The following RNF4 variants were observed in gnomAD, a reference collection of about 807,000 sequenced individuals.
RNF4 encodes the protein E3 ubiquitin-protein ligase RNF4.
A neutral mutation model predicts 24.3 loss-of-function variants in RNF4; 7 were observed. The observed-to-expected ratio is 0.29, with a 90% CI of 0.16 to 0.54. RNF4 has a LOEUF of 0.54. Ranked by LOEUF, RNF4 falls within the 20% of genes least tolerant of loss-of-function variation. The pLI is 0.95. For missense variants in RNF4, 209 were observed against 248.5 expected, an observed-to-expected ratio of 0.84 and a Z score of 1.07; for synonymous variants, 83 against 84.3, an observed-to-expected ratio of 0.98 and a Z score of 0.09.
chr4:2,513,261 T>C (rs956106133), intron 7 of RNF4, 130 bp downstream of exon 7: 24 of 861,112 alleles, frequency 2.8e-5, no homozygotes, highest in Non-Finnish European at 4.3e-5. Context: ...GGCCGTCACT[T>C]ATTGCAGATC....
chr4:2,474,669 G>A (rs541686955), intron 1 of RNF4, among the ~76,000 whole-genome samples: 14 of 152,290 alleles, frequency 9.2e-5, no homozygotes, highest in Non-Finnish European at 1.8e-4. Flanking sequence ...AGCATTGCAC[G>A]CTACAGAGAA....
chr4:2,491,934 T>C (rs1050324455), intron 2 of RNF4, among the ~76,000 whole-genome samples: 2 of 151,050 alleles, frequency 1.3e-5, no homozygotes, highest in East Asian at 2.0e-4. Context: ...TGCGGTGGCT[T>C]ATGCCTGTAA....
intron 1 of RNF4, among the ~76,000 whole-genome samples, chr4:2,477,582 T>C (rs953985082): frequency 6.6e-6 from 1 of 151,798 alleles, no homozygotes; most frequent in East Asian, 1.9e-4. Flanking sequence ...AGACTTAATC[T>C]AAAAAAACAA....
intron 3 of RNF4, among the ~76,000 whole-genome samples, chr4:2,498,633 TG>T (rs1186122310): frequency 1.3e-5 from 2 of 152,242 alleles, no homozygotes; most frequent in African/African-American, 4.8e-5. Flanking sequence ...ATATTGTATA[TG>T]TAAGATTATC....
chr4:2,479,062 G>A (rs1254208987), intron 1 of RNF4, among the ~76,000 whole-genome samples: 1 of 152,254 alleles, frequency 6.6e-6, no homozygotes, highest in Non-Finnish European at 1.5e-5. Context: ...GAGACATGGA[G>A]TCAAAGGAGA....
At chr4:2,508,911 CTTTTTTTTTTT>C (rs66571775) in intron 4 of RNF4, among the ~76,000 whole-genome samples, 6 of 62,644 alleles carry the variant, frequency 9.6e-5, no homozygotes, top group African/African-American at 1.4e-4. Flanking sequence ...TGCCCCAGGC[CTTTTTTTTTTT>C]TTTTTTTTTT....
At chr4:2,504,837 A>G (rs1428011842) in intron 4 of RNF4, among the ~76,000 whole-genome samples, 2 of 150,984 alleles carry the variant, frequency 1.3e-5, no homozygotes, top group Non-Finnish European at 2.9e-5. Flanking sequence ...GGTTCAAGCA[A>G]TTCTCCTGCC....
chr4:2,508,574 T>G (rs915375359), intron 4 of RNF4, among the ~76,000 whole-genome samples: 1 of 152,110 alleles, frequency 6.6e-6, no homozygotes. Flanking sequence ...TTTTTGTTTG[T>G]TTGGTTTTTG....
At chr4:2,485,128 C>T (rs1394331689) in intron 1 of RNF4, among the ~76,000 whole-genome samples, 1 of 152,130 alleles carries the variant, frequency 6.6e-6, no homozygotes, top group Non-Finnish European at 1.5e-5. Context: ...GCACTGCTTC[C>T]TCTAGACAGC....
At position 2,500,156 on chromosome 4, in the gene RNF4, CAAAAAAAA is replaced by C. The variant is rs5855735; in HGVS notation, c.125-489_125-482del. Among the ~76,000 whole-genome samples the C allele has an allele frequency of 1.4e-3, 106 of 77,200 alleles. 1 individual carries two copies. The highest frequency in any genetic ancestry group is 5.0e-3 in the African/African-American group (106 of 21,396). 50.6% of individuals were successfully genotyped at this position (77,200 alleles called of 152,430 possible). ...TTGGCGACAGAGCGAGACTCTGTCT[CAAAAAAAA>C]AAAAAAAAAAAAAGAATTTGCCCTA... On this transcript the variant is annotated intron_variant, in intron 3 of 7. Coordinates refer to ENST00000314289, the MANE Select transcript of RNF4 (RefSeq NM_002938.5).
chr4:2,487,270 CTATTTTTTTAATGTGTTTTTATTTT>C (rs957270439), intron 1 of RNF4, among the ~76,000 whole-genome samples: 4 of 151,996 alleles, frequency 2.6e-5, no homozygotes, highest in Admixed American at 6.6e-5. Flanking sequence ...TCACATCTGG[CTATTTTTTTAATGTGTTTTTATTTT>C]TATTTTTTGA....
At chr4:2,474,731 A>C (rs1735015881) in intron 1 of RNF4, among the ~76,000 whole-genome samples, 1 of 152,118 alleles carries the variant, frequency 6.6e-6, no homozygotes, top group South Asian at 2.1e-4. Flanking sequence ...ATTTTAAGAA[A>C]TTGTCACAGT....
intron 2 of RNF4, among the ~76,000 whole-genome samples, chr4:2,493,087 T>C (rs916416220): frequency 6.6e-6 from 1 of 152,122 alleles, no homozygotes; most frequent in Non-Finnish European, 1.5e-5. Context: ...TCTGCAGATA[T>C]TCCTGGATTG....
intron 4 of RNF4, among the ~76,000 whole-genome samples, chr4:2,502,992 A>G (rs1305988423): frequency 6.6e-6 from 1 of 152,124 alleles, no homozygotes; most frequent in Non-Finnish European, 1.5e-5. Flanking sequence ...CTGAGACTAC[A>G]GGTGCATGCC....
intron 4 of RNF4, 67 bp downstream of exon 4, chr4:2,500,805 A>G: frequency 6.8e-7 from 1 of 1,478,756 alleles, no homozygotes; most frequent in Non-Finnish European, 9.4e-7. Flanking sequence ...CCAGCATCTG[A>G]CAGCCTTGGT....
At chr4:2,476,577 A>G (rs1354586823) in intron 1 of RNF4, among the ~76,000 whole-genome samples, 5 of 152,152 alleles carry the variant, frequency 3.3e-5, no homozygotes, top group Middle Eastern at 3.4e-3. Context: ...TATCTTTACT[A>G]GAGATGGGGT....
intron 3 of RNF4, among the ~76,000 whole-genome samples, chr4:2,497,480 T>A (rs1735773500): frequency 6.6e-6 from 1 of 152,172 alleles, no homozygotes; most frequent in Admixed American, 6.6e-5. Context: ...GGCAAACTTG[T>A]CCACAGAGCT....
intron 1 of RNF4, among the ~76,000 whole-genome samples, chr4:2,476,777 G>A (rs1382528801): frequency 2.0e-5 from 3 of 147,992 alleles, no homozygotes. Context: ...GTGGCTATTT[G>A]CAGGTGCAAT....
chr4:2,510,089 G>T (rs188282950), intron 4 of RNF4, among the ~76,000 whole-genome samples: 3 of 152,180 alleles, frequency 2.0e-5, no homozygotes, highest in Non-Finnish European at 4.4e-5. Flanking sequence ...CCTCTAAGAG[G>T]AAAGGGGAGC....
Sources: gnomAD v4.1 joint callset for allele counts (sites outside exome capture counted in the v4.1 genomes callset) on GRCh38, gnomAD v4.1.1 for gene constraint, MANE v1.5 for transcripts, NCBI Gene and HGNC (gene_info 2026-07-23, HGNC 2026-07-21) for gene names.